Variants in CNOT1 observed in about 807,000 individuals in gnomAD.
CNOT1 encodes CCR4-associated factor 1.
In CNOT1, 15 loss-of-function variants were observed where a neutral mutation model predicts 273.8. The observed-to-expected ratio is 0.05, with a 90% confidence interval of 0.04 to 0.08. The LOEUF is 0.08. CNOT1 is among the 10% of genes least tolerant of loss of function. The pLI, the probability that CNOT1 is intolerant of heterozygous loss-of-function variation, is 1.00. For missense variants in CNOT1, 1,644 were observed against 2,912.2 expected, an observed-to-expected ratio of 0.56 and a Z score of 10.02; for synonymous variants, 1,022 against 1,005.5, an observed-to-expected ratio of 1.02 and a Z score of -0.31.
At chr16:58,587,900 T>G in intron 3 of CNOT1, 22 bp from the exon 4 acceptor site, 1 of 1,601,284 alleles carries the variant, frequency 6.2e-7, no homozygotes, top group Non-Finnish European at 8.5e-7. Context: ...AAAAATGATT[T>G]TCATTAGCAC....
chr16:58,576,237 A>G (rs1213763774), intron 14 of CNOT1, among the ~76,000 whole-genome samples: 1 of 151,764 alleles, frequency 6.6e-6, no homozygotes, highest in Non-Finnish European at 1.5e-5. Context: ...CAGCCTCCTG[A>G]GTAGCTGGGA....
chr16:58,586,644 C>A lies in CNOT1; in HGVS notation c.538G>T (p.Val180Phe). ...EGGFQDIAIEVLHLLLSHLLF... is the reference protein window; with the variant it reads ...EGGFQDIAIEFLHLLLSHLLF... Reference sequence around the variant, plus strand: ...AGATGGGAGAGGAGGAGGTGTAGGACCTCTATTGCTATATCTTGGAAGCCA... The same window carrying A: ...AGATGGGAGAGGAGGAGGTGTAGGAACTCTATTGCTATATCTTGGAAGCCA... The change falls in exon 7 of 49, where the codon GTC (valine) becomes TTC (phenylalanine). Residue 180 changes from valine to phenylalanine, a missense_variant. By Grantham distance (50) the Val-to-Phe change is conservative. Coordinates refer to ENST00000317147, the MANE Select transcript of CNOT1 (RefSeq NM_016284.5). 1 of 1,613,126 alleles carries A rather than the reference C, an allele frequency of 6.2e-7. No individual in the cohort carries two copies. Among genetic ancestry groups the A allele is most frequent in the Non-Finnish European group, 8.5e-7 (1 of 1,179,854 alleles).
chr16:58,524,334 ATT>A (rs2039510956), intron 46 of CNOT1, among the ~76,000 whole-genome samples: 1 of 150,084 alleles, frequency 6.7e-6, no homozygotes, highest in African/African-American at 2.5e-5. Context: ...CCACATTTTG[ATT>A]AGTCTAAACT....
Position 58,520,821 on chromosome 16 carries a change from A to G in CNOT1, c.*137T>C, listed in dbSNP as rs920745102. On this transcript the variant is annotated 3_prime_UTR_variant, in exon 49 of 49. Coordinates refer to ENST00000317147, the MANE Select transcript of CNOT1 (RefSeq NM_016284.5). ...CCACATAAGACAGGAGGCTGATCCC[A>G]ACAGTAGTTGGGGCAGATACCCACA... The G allele has an allele frequency of 3.4e-6, 3 of 884,722 alleles. No individual in the cohort carries two copies. The South Asian group carries it at 4.6e-5, about 14-fold the overall frequency. The allele number at this position is 884,722 out of a possible 1,614,324, so 54.8% of individuals were successfully genotyped here. A position where few individuals can be genotyped will look rare whatever the true frequency, so the allele number is the denominator to read the frequency against.
At chr16:58,610,013 A>C (rs1382637975) in intron 1 of CNOT1, among the ~76,000 whole-genome samples, 2 of 152,216 alleles carry the variant, frequency 1.3e-5, no homozygotes, top group East Asian at 3.8e-4. Flanking sequence ...AAAACACAAA[A>C]GGAAACATTG....
intron 3 of CNOT1, 37 bp from the exon 4 acceptor site, chr16:58,587,915 C>T: frequency 6.3e-7 from 1 of 1,578,404 alleles, no homozygotes. Flanking sequence ...TAGCACTAAT[C>T]ATCATCTAAG....
chr16:58,577,276 C>T (rs991409108), intron 13 of CNOT1, among the ~76,000 whole-genome samples: 10 of 152,166 alleles, frequency 6.6e-5, no homozygotes, highest in Non-Finnish European at 1.5e-4. Context: ...AGTATTCAAT[C>T]ACAAGTGAGG....
chr16:58,531,882 A>C (rs2039788701), intron 42 of CNOT1, 76 bp downstream of exon 42: 1 of 1,515,422 alleles, frequency 6.6e-7, no homozygotes. Context: ...TGACTAATAG[A>C]AATCTATAGG....
chr16:58,624,581 A>G (rs1231714747), intron 1 of CNOT1: 1 of 152,232 alleles, frequency 6.6e-6, no homozygotes, highest in Non-Finnish European at 1.5e-5. Flanking sequence ...TGAGTGGATC[A>G]CAAGGTCAGG....
At chr16:58,535,566 T>C (rs1231890319) in intron 39 of CNOT1, among the ~76,000 whole-genome samples, 1 of 152,112 alleles carries the variant, frequency 6.6e-6, no homozygotes, top group Admixed American at 6.5e-5. Context: ...GAAAGACCAA[T>C]GGATTCCAAT....
chr16:58,608,482 A>T (rs995491390), intron 1 of CNOT1, among the ~76,000 whole-genome samples: 6 of 148,736 alleles, frequency 4.0e-5, no homozygotes, highest in Non-Finnish European at 5.9e-5. Context: ...TGAGCCTGGG[A>T]GGCTGAGGCT....
chr16:58,620,604 G>A (rs1371996751), intron 1 of CNOT1, among the ~76,000 whole-genome samples: 8 of 140,238 alleles, frequency 5.7e-5, no homozygotes, highest in Non-Finnish European at 1.2e-4. Context: ...AGCCAAGCTC[G>A]CGACACTACA....
intron 12 of CNOT1, among the ~76,000 whole-genome samples, chr16:58,580,262 TATTAG>T (rs1443322749): frequency 6.8e-6 from 1 of 147,812 alleles, no homozygotes; most frequent in Non-Finnish European, 1.5e-5. Flanking sequence ...AAAAGAAAAC[TATTAG>T]ATTTGACAGG....
At position 58,538,231 on chromosome 16, in the gene CNOT1, T is replaced by A; in HGVS notation, c.5171A>T (p.Asn1724Ile). ...LIECRDEYKYNVEAVELLIRN... is the reference protein window; with the variant it reads ...LIECRDEYKYIVEAVELLIRN... ...AATTAGCAGCTCCACAGCCTCCACA[T>A]TATATTTATATTCATCTCGACATTC... The change falls in exon 37 of 49, where the codon AAT becomes ATT. Residue 1724 changes from asparagine (N) to isoleucine (I), a missense_variant. Physicochemically the swap from Asn to Ile is moderately radical, Grantham distance 149. Around this residue, in one of 13 missense-constraint regions of CNOT1, gnomAD observed 170 missense variants for 273.1 expected, o/e 0.62. Transcript: ENST00000317147. 1 of 1,416,334 alleles carries A rather than the reference T, an allele frequency of 7.1e-7. No homozygotes were observed. Among genetic ancestry groups the A allele is most frequent in the Non-Finnish European group, 1.0e-6 (1 of 999,512 alleles). 87.7% of individuals were successfully genotyped at this position (1,416,334 alleles called of 1,614,324 possible).
In CNOT1 at chr16:58,579,445, A is replaced by G. The variant is rs115349560; in HGVS notation, c.1344-506T>C. Among the ~76,000 whole-genome samples the G allele has an allele frequency of 5.1e-3, 783 of 152,302 alleles. 10 individuals carry two copies. The highest frequency in any genetic ancestry group is 0.017 in the African/African-American group (721 of 41,568). ...TAAGGAACTGTTATTTGTTAATGTG[A>G]TAATGGTATTTAAGCTTTATAAAAA... On this transcript the variant is annotated intron_variant, in intron 12 of 48. Transcript: ENST00000317147.
chr16:58,574,591 C>T lies in CNOT1; in HGVS notation c.1979+18G>A, dbSNP rs763667292. ...AATCCAATTCAAAAAAAGTCATATT[C>T]ATGTATGTACTTCTTACCCTGCACA... On this transcript the variant is annotated intron_variant, in intron 16 of 48. Transcript: ENST00000317147. 8.4e-6 allele frequency: 13 copies of T among 1,553,040 alleles called. No homozygotes were observed. The East Asian group carries it at 2.5e-4, about 30-fold the overall frequency.
chr16:58,571,933 C>T (rs12149850), intron 16 of CNOT1, among the ~76,000 whole-genome samples: 114,522 of 151,974 alleles, frequency 0.75, 43,565 homozygotes, highest in Middle Eastern at 0.86. Flanking sequence ...CACACCACTG[C>T]ACACCAGCCT....
rs549702753 is a variant in CNOT1 at position 58,568,031 on chromosome 16, G to C, written c.1979+6578C>G. Among the ~76,000 whole-genome samples, 554 of 152,294 alleles carry C rather than the reference G, an allele frequency of 3.6e-3. 3 individuals are homozygous for C. Among genetic ancestry groups the C allele is most frequent in the Non-Finnish European group, 4.6e-3 (312 of 68,034 alleles). ...GTTTTAAACTTATTGCCTATCTGAGGTGGAAGACTACTACAGTTGGAGCAA... is the reference window on the plus strand; with the variant it reads ...GTTTTAAACTTATTGCCTATCTGAGCTGGAAGACTACTACAGTTGGAGCAA... On this transcript the variant is annotated intron_variant, in intron 16 of 48. Transcript: ENST00000317147.
At chr16:58,544,117 T>C (rs1417476689) in intron 30 of CNOT1, among the ~76,000 whole-genome samples, 1 of 152,220 alleles carries the variant, frequency 6.6e-6, no homozygotes, top group African/African-American at 2.4e-5. Context: ...AATAGATATG[T>C]CTTTTTTTTA....
Sources: gnomAD v4.1 joint callset for allele counts (sites outside exome capture counted in the v4.1 genomes callset) on GRCh38, gnomAD v4.1.1 for gene constraint, gnomAD v4.1.1 regional missense constraint, MANE v1.5 for transcripts, NCBI Gene and HGNC (gene_info 2026-07-23, HGNC 2026-07-21) for gene names.